The following KIAA1958 variants were observed in gnomAD, a reference collection of about 807,000 sequenced individuals.
The protein encoded by KIAA1958 is KIAA1958.
KIAA1958 carries 14 observed loss-of-function variants against 47.2 expected under a neutral mutation model. The ratio of observed to expected loss-of-function variants is 0.30; its 90% confidence interval spans 0.20 to 0.46. The LOEUF is 0.46. Among genes scored for constraint, KIAA1958 ranks in the 20% least tolerant of loss-of-function variants. KIAA1958 has a pLI of 1.00. For synonymous variants in KIAA1958, 354 were observed against 353.3 expected, an observed-to-expected ratio of 1.00 and a Z score of -0.02; for missense variants, 803 against 909.2, an observed-to-expected ratio of 0.88 and a Z score of 1.50.
chr9:112,629,718 G>C (rs1406211053), intron 2 of KIAA1958, among the ~76,000 whole-genome samples: 1 of 152,098 alleles, frequency 6.6e-6, no homozygotes, highest in Non-Finnish European at 1.5e-5. Context: ...ATTCCATTGT[G>C]TGTATAATGT....
intron 2 of KIAA1958, among the ~76,000 whole-genome samples, chr9:112,587,016 C>T (rs779202301): frequency 7.2e-5 from 11 of 152,154 alleles, no homozygotes; most frequent in Non-Finnish European, 1.6e-4. Flanking sequence ...TGGGTCTCAG[C>T]AGGAGTGAGC....
intron 2 of KIAA1958, among the ~76,000 whole-genome samples, chr9:112,633,136 T>C (rs1422085099): frequency 6.6e-6 from 1 of 152,042 alleles, no homozygotes; most frequent in Non-Finnish European, 1.5e-5. Flanking sequence ...ATGATCTATT[T>C]GTCTATTTCT....
In KIAA1958 at chr9:112,618,452, A is replaced by G. The variant is rs1455519957; in HGVS notation, c.1172-27198A>G. The G allele has an allele frequency of 2.6e-6, 4 of 1,550,952 alleles. No individual in the cohort carries two copies. The East Asian group carries it at 9.8e-5, about 38-fold the overall frequency. The stretch of plus-strand genomic sequence containing the variant: ...GACGGGTCTCGAGTACTTGGAGTGG[A>G]TGGGTCAGGACACTGGAGACTTGAA... On this transcript the variant is annotated intron_variant, in intron 2 of 3. Coordinates refer to ENST00000337530, the MANE Select transcript of KIAA1958 (RefSeq NM_133465.4). This position sits in a 1 kb window ranked among gnomAD's most constrained non-coding sequence, Gnocchi z 7.1.
At chr9:112,513,224 G>T (rs3962526) in intron 1 of KIAA1958, among the ~76,000 whole-genome samples, 9 of 117,250 alleles carry the variant, frequency 7.7e-5, no homozygotes, top group South Asian at 3.2e-4. Context: ...AGGCTGGTCT[G>T]GAACTCCTGA....
chr9:112,530,007 C>G (rs1834726719), intron 1 of KIAA1958, among the ~76,000 whole-genome samples: 1 of 152,110 alleles, frequency 6.6e-6, no homozygotes, highest in African/African-American at 2.4e-5. Flanking sequence ...CCACGCCCAG[C>G]TAATTTTTTG....
intron 2 of KIAA1958, among the ~76,000 whole-genome samples, chr9:112,625,432 G>C (rs1408882948): frequency 6.6e-6 from 1 of 152,042 alleles, no homozygotes; most frequent in Non-Finnish European, 1.5e-5. Flanking sequence ...AGAATTACAG[G>C]CATGAGCCAC....
At chr9:112,549,807 G>A (rs1185552581) in intron 1 of KIAA1958, among the ~76,000 whole-genome samples, 3 of 152,182 alleles carry the variant, frequency 2.0e-5, no homozygotes, top group Non-Finnish European at 4.4e-5. Flanking sequence ...TTGGAGGTGG[G>A]TGTATGCTAC....
intron 2 of KIAA1958, among the ~76,000 whole-genome samples, chr9:112,614,497 A>G (rs1836378411): frequency 6.6e-6 from 1 of 152,212 alleles, no homozygotes; most frequent in African/African-American, 2.4e-5. Context: ...ATAGTTTTGT[A>G]TTTTATTATC....
chr9:112,666,546 C>CA lies in KIAA1958; in HGVS notation c.*6478dup, dbSNP rs1341698247. 1.3e-5 allele frequency: 2 copies of CA among 152,246 alleles called. No individual in the cohort carries two copies. The highest frequency in any genetic ancestry group is 2.9e-5 in the Non-Finnish European group (2 of 68,032). 9.4% of individuals were successfully genotyped at this position (152,246 alleles called of 1,614,324 possible). On this transcript the variant is annotated 3_prime_UTR_variant, in exon 4 of 4. Transcript: ENST00000337530. ...GCATCTGGCAAAATGACATCCGGCTCACAGAAGACCCTAGTGAGCTTCTTG... is the reference window on the plus strand; with the variant it reads ...GCATCTGGCAAAATGACATCCGGCTCAACAGAAGACCCTAGTGAGCTTCTTG...
intron 1 of KIAA1958, among the ~76,000 whole-genome samples, chr9:112,538,215 T>C (rs1370952719): frequency 6.6e-6 from 1 of 152,022 alleles, no homozygotes; most frequent in Non-Finnish European, 1.5e-5. Context: ...AGTGATAGCA[T>C]GCATCTGTAG....
At position 112,566,357 on chromosome 9, in the gene KIAA1958, T is replaced by C. The variant is rs145652655; in HGVS notation, c.-24-7700T>C. 2.9e-3 allele frequency among the ~76,000 whole-genome samples: 438 copies of C among 152,338 alleles called. 2 individuals are homozygous for C. The highest frequency in any genetic ancestry group is 9.9e-3 in the African/African-American group (413 of 41,570). On this transcript the variant is annotated intron_variant, in intron 1 of 3. Coordinates refer to ENST00000337530, the MANE Select transcript of KIAA1958 (RefSeq NM_133465.4). Reference sequence around the variant, plus strand: ...TTCAGCAAAGGTACTATTTTACTATTGTATAGTAGCTTCTACCTGGTTAAT... The same window carrying C: ...TTCAGCAAAGGTACTATTTTACTATCGTATAGTAGCTTCTACCTGGTTAAT...
At chr9:112,632,193 GT>G (rs963950672) in intron 2 of KIAA1958, among the ~76,000 whole-genome samples, 1 of 151,778 alleles carries the variant, frequency 6.6e-6, no homozygotes, top group Non-Finnish European at 1.5e-5. Flanking sequence ...ATTATAAATC[GT>G]TTTATTTTTC....
chr9:112,510,176 A>G (rs1834300145), intron 1 of KIAA1958, among the ~76,000 whole-genome samples: 1 of 152,152 alleles, frequency 6.6e-6, no homozygotes, highest in African/African-American at 2.4e-5. Context: ...CTGGTGTGGT[A>G]TTTTTATAGT....
At chr9:112,565,252 C>T (rs1403947781) in intron 1 of KIAA1958, among the ~76,000 whole-genome samples, 1 of 152,164 alleles carries the variant, frequency 6.6e-6, no homozygotes, top group Non-Finnish European at 1.5e-5. Flanking sequence ...GCTAGAACTC[C>T]TTGAATTTCA....
chr9:112,501,419 G>C (rs552721023), intron 1 of KIAA1958, among the ~76,000 whole-genome samples: 4 of 151,922 alleles, frequency 2.6e-5, no homozygotes, highest in East Asian at 3.9e-4. Context: ...TTCTAGACTC[G>C]GCAACAAAGC....
intron 2 of KIAA1958, among the ~76,000 whole-genome samples, chr9:112,623,486 C>G (rs1408902531): frequency 6.6e-6 from 1 of 152,114 alleles, no homozygotes; most frequent in African/African-American, 2.4e-5. Flanking sequence ...CTTCTGTAGA[C>G]CCTCTGAAGT....
At chr9:112,493,906 TTTATGGA>T (rs1294265545) in intron 1 of KIAA1958, among the ~76,000 whole-genome samples, 2 of 152,350 alleles carry the variant, frequency 1.3e-5, no homozygotes, top group African/African-American at 4.8e-5. Flanking sequence ...TATCTTAGGT[TTTATGGA>T]TCACTGGTTT....
Position 112,659,483 on chromosome 9 carries a change from T to C in KIAA1958, c.1565T>C (p.Met522Thr). ...EKLWVLSKAGMSGARSRNIVY... is the reference protein window; with the variant it reads ...EKLWVLSKAGTSGARSRNIVY... Reference sequence around the variant, plus strand: ...CTGTGGGTGCTGAGTAAGGCAGGCATGTCGGGCGCGCGTTCTCGCAACATC... The same window carrying C: ...CTGTGGGTGCTGAGTAAGGCAGGCACGTCGGGCGCGCGTTCTCGCAACATC... The change falls in exon 4 of 4, where the codon ATG becomes ACG. Residue 522 changes from methionine (M) to threonine (T), a missense_variant. Transcript: ENST00000337530. The C allele has an allele frequency of 1.2e-6, 2 of 1,613,716 alleles. No homozygotes were observed. The highest frequency in any genetic ancestry group is 2.2e-5 in the East Asian group (1 of 44,878).
rs143739934 is a variant in KIAA1958 at position 112,570,301 on chromosome 9, A to G, written c.-24-3756A>G. Among the ~76,000 whole-genome samples, 3 of 152,294 alleles carry G rather than the reference A, an allele frequency of 2.0e-5. No homozygotes were observed. The East Asian group carries it at 5.8e-4, about 29-fold the overall frequency. ...TGGAGGGCGTTTTTTGAATGGAAGCATGGTGCTATACGTGAAGGGGCAGAA... is the reference window on the plus strand; with the variant it reads ...TGGAGGGCGTTTTTTGAATGGAAGCGTGGTGCTATACGTGAAGGGGCAGAA... On this transcript the variant is annotated intron_variant, in intron 1 of 3. Coordinates refer to ENST00000337530, the MANE Select transcript of KIAA1958 (RefSeq NM_133465.4).
Sources: gnomAD v4.1 joint callset for allele counts (sites outside exome capture counted in the v4.1 genomes callset) on GRCh38, gnomAD v4.1.1 for gene constraint, Gnocchi (gnomAD v3.1) non-coding constraint, MANE v1.5 for transcripts, NCBI Gene and HGNC (gene_info 2026-07-23, HGNC 2026-07-21) for gene names.